Variants in CNTN6 observed in about 807,000 individuals in gnomAD.
The protein encoded by CNTN6 is contactin-6.
Under a neutral mutation model 122.8 loss-of-function variants are expected in CNTN6, and 137 were observed. The ratio of observed to expected loss-of-function variants is 1.12; its 90% CI spans 0.97 to 1.29. CNTN6 has a LOEUF of 1.29. Ranked by LOEUF, CNTN6 falls within the 50% of genes most tolerant of loss-of-function variation. The pLI, the probability that CNTN6 is intolerant of heterozygous loss-of-function variation, is 0.00. For synonymous variants in CNTN6, 570 were observed against 426.0 expected, an observed-to-expected ratio of 1.34 and a Z score of -4.16; for missense variants, 1,634 against 1,223.4, an observed-to-expected ratio of 1.34 and a Z score of -5.01.
At chr3:1,125,676 G>A (rs1279823517) in intron 1 of CNTN6, among the ~76,000 whole-genome samples, 1 of 151,508 alleles carries the variant, frequency 6.6e-6, no homozygotes, top group African/African-American at 2.4e-5. Context: ...GATGCACCAA[G>A]TTTTAGTGCT....
intron 2 of CNTN6, among the ~76,000 whole-genome samples, chr3:1,185,153 G>T (rs183911661): frequency 1.3e-5 from 2 of 152,194 alleles, no homozygotes; most frequent in Admixed American, 1.3e-4. Context: ...TAGCTAATAA[G>T]AAACTTCAGA....
intron 1 of CNTN6, among the ~76,000 whole-genome samples, chr3:1,099,705 G>A (rs1003313064): frequency 6.6e-6 from 1 of 152,040 alleles, no homozygotes; most frequent in Admixed American, 6.5e-5. Flanking sequence ...GAATTCCTAT[G>A]TTTCAACAAA....
chr3:1,219,495 T>G (rs866137527), intron 2 of CNTN6, among the ~76,000 whole-genome samples: 1 of 152,210 alleles, frequency 6.6e-6, no homozygotes, highest in Admixed American at 6.5e-5. Context: ...GCTTTTATTA[T>G]TATTTTTGAA....
At chr3:1,268,371 G>T (rs1354000174) in intron 4 of CNTN6, among the ~76,000 whole-genome samples, 5 of 152,120 alleles carry the variant, frequency 3.3e-5, no homozygotes, top group Non-Finnish European at 5.9e-5. Flanking sequence ...ACTTTGGGAG[G>T]CCGAGGCGGG....
intron 4 of CNTN6, among the ~76,000 whole-genome samples, chr3:1,277,247 T>C (rs926760955): frequency 7.9e-5 from 12 of 151,886 alleles, no homozygotes; most frequent in Admixed American, 7.2e-4. Context: ...TCCCATTAGA[T>C]AGTAAGCACA....
At chr3:1,152,052 C>T (rs1317556849) in intron 2 of CNTN6, among the ~76,000 whole-genome samples, 1 of 152,136 alleles carries the variant, frequency 6.6e-6, no homozygotes, top group Non-Finnish European at 1.5e-5. Context: ...AAACTTATAA[C>T]TGTAAGTCTA....
At chr3:1,323,733 A>G (rs1157770350) in intron 8 of CNTN6, among the ~76,000 whole-genome samples, 6 of 151,796 alleles carry the variant, frequency 4.0e-5, no homozygotes, top group Non-Finnish European at 8.8e-5. Context: ...GTGGCTTTTC[A>G]TAACCAGTCA....
chr3:1,166,139 G>C (rs116251686), intron 2 of CNTN6, among the ~76,000 whole-genome samples: 2 of 152,200 alleles, frequency 1.3e-5, no homozygotes, highest in Non-Finnish European at 2.9e-5. Context: ...GGCATCAACT[G>C]TTCTAAGTAC....
At chr3:1,154,822 T>A (rs2125206990) in intron 2 of CNTN6, among the ~76,000 whole-genome samples, 1 of 152,312 alleles carries the variant, frequency 6.6e-6, no homozygotes, top group South Asian at 2.1e-4. Context: ...TTCCATCAAG[T>A]CACGAAACAA....
chr3:1,243,130 T>C (rs1290771398), intron 4 of CNTN6, among the ~76,000 whole-genome samples: 3 of 152,158 alleles, frequency 2.0e-5, no homozygotes, highest in Non-Finnish European at 2.9e-5. Flanking sequence ...GGGCCAGAGT[T>C]CCAGGGGCTC....
At chr3:1,161,098 C>G (rs2093122583) in intron 2 of CNTN6, among the ~76,000 whole-genome samples, 1 of 151,910 alleles carries the variant, frequency 6.6e-6, no homozygotes, top group Non-Finnish European at 1.5e-5. Context: ...CTGGAAATCA[C>G]TCATGGGTAG....
chr3:1,403,428 C>G lies in CNTN6; in HGVS notation c.*10C>G. Reference sequence around the variant, plus strand: ...TCAGCCACTTATCTGATGAATAAAACCATAAATCTTTGAGAGTTTTTTGAA... The same window carrying G: ...TCAGCCACTTATCTGATGAATAAAAGCATAAATCTTTGAGAGTTTTTTGAA... On this transcript the variant is annotated 3_prime_UTR_variant, in exon 23 of 23. Transcript: ENST00000446702. The G allele has an allele frequency of 6.4e-7, 1 of 1,558,938 alleles. No individual in the cohort carries two copies. Among genetic ancestry groups the G allele is most frequent in the Non-Finnish European group, 8.8e-7 (1 of 1,131,648 alleles).
At chr3:1,110,117 C>T (rs933018115) in intron 1 of CNTN6, among the ~76,000 whole-genome samples, 2 of 151,900 alleles carry the variant, frequency 1.3e-5, no homozygotes, top group African/African-American at 2.4e-5. Context: ...ATGTTTTTCA[C>T]ATCTGATATT....
chr3:1,130,256 G>T (rs1365510630), intron 1 of CNTN6, among the ~76,000 whole-genome samples: 1 of 151,976 alleles, frequency 6.6e-6, no homozygotes. Flanking sequence ...AGCAGATGCT[G>T]TCTATGCCCT....
intron 22 of CNTN6, 88 bp downstream of exon 22, chr3:1,402,574 C>G: frequency 9.2e-7 from 1 of 1,091,902 alleles, no homozygotes; most frequent in East Asian, 2.6e-5. Flanking sequence ...CCAGTTATGG[C>G]TTAAATGTTG....
intron 12 of CNTN6, among the ~76,000 whole-genome samples, chr3:1,357,905 A>G (rs1404270014): frequency 6.8e-6 from 1 of 147,648 alleles, no homozygotes; most frequent in Non-Finnish European, 1.5e-5. Context: ...AATAAAATAC[A>G]TAAATTTTAA....
intron 1 of CNTN6, among the ~76,000 whole-genome samples, chr3:1,130,810 G>C (rs2092316778): frequency 6.6e-6 from 1 of 152,118 alleles, no homozygotes; most frequent in Non-Finnish European, 1.5e-5. Context: ...GCCTGTCTGT[G>C]TCAAAATAGG....
At chr3:1,399,033 A>AT (rs1410508995) in intron 20 of CNTN6, among the ~76,000 whole-genome samples, 2 of 152,066 alleles carry the variant, frequency 1.3e-5, no homozygotes, top group Non-Finnish European at 2.9e-5. Flanking sequence ...TAGCCAGTTG[A>AT]TTTTTTCAAT....
Position 1,279,160 on chromosome 3 carries a change from C to T in CNTN6, c.454+652C>T, listed in dbSNP as rs571635509. Among the ~76,000 whole-genome samples, 140 of 152,258 alleles carry T rather than the reference C, an allele frequency of 9.2e-4. 1 individual carries two copies. Among genetic ancestry groups the T allele is most frequent in the African/African-American group, 3.2e-3 (132 of 41,558 alleles). On this transcript the variant is annotated intron_variant, in intron 5 of 22. Transcript: ENST00000446702. ...TCTCCTGGCAATGGTAAAAATCAAG[C>T]AATAAATGCCAGCCTCTACTTTGGA...
Sources: gnomAD v4.1 joint callset for allele counts (sites outside exome capture counted in the v4.1 genomes callset) on GRCh38, gnomAD v4.1.1 for gene constraint, MANE v1.5 for transcripts, NCBI Gene and HGNC (gene_info 2026-07-23, HGNC 2026-07-21) for gene names.